NCOA1: variants seen among roughly 807,000 people sequenced by gnomAD.
The protein encoded by NCOA1 is Hin-2 protein.
NCOA1 carries 35 observed loss-of-function variants against 150.9 expected under a neutral mutation model. The observed-to-expected ratio is 0.23, with a 90% CI of 0.18 to 0.31. NCOA1 has a LOEUF of 0.31. Among genes scored for constraint, NCOA1 ranks in the 10% least tolerant of loss-of-function variants. The pLI is 1.00. For synonymous variants in NCOA1, 590 were observed against 630.0 expected (o/e 0.94, Z 0.95); for missense variants, 1,491 against 1,749.3 (o/e 0.85, Z 2.63).
chr2:24,629,809 C>CATATATATATATATATATAT, intron 3 of NCOA1, among the ~76,000 whole-genome samples: 1 of 97,378 alleles, frequency 1.0e-5, no homozygotes, highest in South Asian at 3.1e-4. Flanking sequence ...TTTTAAGTAA[C>CATATATATATATATATATAT]ATACATACAT....
intron 21 of NCOA1, among the ~76,000 whole-genome samples, chr2:24,759,510 A>G (rs1664668574): frequency 6.6e-6 from 1 of 152,216 alleles, no homozygotes; most frequent in Non-Finnish European, 1.5e-5. Context: ...AGCCTCTTAC[A>G]TATTTTTAGA....
At chr2:24,579,461 T>C (rs753070131) in intron 2 of NCOA1, among the ~76,000 whole-genome samples, 3 of 152,184 alleles carry the variant, frequency 2.0e-5, no homozygotes, top group African/African-American at 4.8e-5. Flanking sequence ...AAGGAGTTAA[T>C]CTACCTTTGC....
At chr2:24,623,671 G>A (rs1468734896) in intron 3 of NCOA1, among the ~76,000 whole-genome samples, 1 of 152,178 alleles carries the variant, frequency 6.6e-6, no homozygotes, top group East Asian at 1.9e-4. Flanking sequence ...CACAGTTCCG[G>A]AAACTGAAAG....
intron 7 of NCOA1, among the ~76,000 whole-genome samples, chr2:24,679,176 C>G (rs1441523081): frequency 6.6e-6 from 1 of 152,170 alleles, no homozygotes; most frequent in East Asian, 1.9e-4. Flanking sequence ...TGGAAAAGTT[C>G]TCAGATTGAT....
chr2:24,648,038 C>T (rs1670553533), intron 4 of NCOA1, among the ~76,000 whole-genome samples: 1 of 152,070 alleles, frequency 6.6e-6, no homozygotes, highest in Non-Finnish European at 1.5e-5. Flanking sequence ...TTTAGCTGGT[C>T]GTTGCAGCAG....
chr2:24,593,146 G>C (rs1456110983), intron 3 of NCOA1, among the ~76,000 whole-genome samples: 4 of 152,128 alleles, frequency 2.6e-5, no homozygotes, highest in Non-Finnish European at 5.9e-5. Flanking sequence ...TCTTGTCAGA[G>C]GGCCAGAGTA....
chr2:24,713,982 G>C (rs142341160), intron 14 of NCOA1, among the ~76,000 whole-genome samples: 1 of 152,266 alleles, frequency 6.6e-6, no homozygotes, highest in East Asian at 1.9e-4. Flanking sequence ...ATCAGGTGGG[G>C]CAAAGAACAG....
chr2:24,703,153 G>A (rs538539948), intron 11 of NCOA1, among the ~76,000 whole-genome samples: 1 of 152,140 alleles, frequency 6.6e-6, no homozygotes, highest in Non-Finnish European at 1.5e-5. Context: ...TTTTAGTAAT[G>A]AGTTGACTGA....
chr2:24,711,398 G>A (rs1347153177), intron 14 of NCOA1: 2 of 240,316 alleles, frequency 8.3e-6, no homozygotes, highest in Non-Finnish European at 1.6e-5. Flanking sequence ...AGGACTTTCA[G>A]AAATACAGTA....
At position 24,608,967 on chromosome 2, in the gene NCOA1, A is replaced by AG. The variant is rs560432169; in HGVS notation, c.-175+24412dup. Among the ~76,000 whole-genome samples the AG allele has an allele frequency of 4.6e-5, 7 of 152,142 alleles. No individual in the cohort carries two copies. The South Asian group carries it at 1.5e-3, about 32-fold the overall frequency. ...AAGGCCCTTCTCATCACATCATTTT[A>AG]GGGGGCACATAATATCCATGACATC... On this transcript the variant is annotated intron_variant, in intron 3 of 22. Transcript: ENST00000348332.
At position 24,617,891 on chromosome 2, in the gene NCOA1, G is replaced by A. The variant is rs1277596261; in HGVS notation, c.-174-26075G>A. 4.0e-5 allele frequency among the ~76,000 whole-genome samples: 6 copies of A among 151,526 alleles called. No individual in the cohort carries two copies. The South Asian group carries it at 1.0e-3, about 26-fold the overall frequency. Reference sequence around the variant, plus strand: ...GTGATATACACACACACGCACACACGCAGAAATATTTTACAGACAGTAAAA... The same window carrying A: ...GTGATATACACACACACGCACACACACAGAAATATTTTACAGACAGTAAAA... On this transcript the variant is annotated intron_variant, in intron 3 of 22. Transcript: ENST00000348332.
intron 7 of NCOA1, among the ~76,000 whole-genome samples, chr2:24,677,493 G>T (rs755421218): frequency 2.0e-4 from 30 of 152,112 alleles, no homozygotes; most frequent in Non-Finnish European, 3.8e-4. Flanking sequence ...ACACAATCTC[G>T]GATTACTGTA....
intron 1 of NCOA1, among the ~76,000 whole-genome samples, chr2:24,507,292 T>G (rs1203428311): frequency 6.6e-6 from 1 of 152,204 alleles, no homozygotes; most frequent in Non-Finnish European, 1.5e-5. Context: ...CTTAACCTCT[T>G]GGTGCCTCAG....
At chr2:24,662,623 C>T (rs1558883122) in intron 5 of NCOA1, among the ~76,000 whole-genome samples, 1 of 152,126 alleles carries the variant, frequency 6.6e-6, no homozygotes, top group Admixed American at 6.5e-5. Context: ...CTCTGCCAAG[C>T]ATTTTACATG....
intron 1 of NCOA1, among the ~76,000 whole-genome samples, chr2:24,548,961 G>A (rs999729472): frequency 3.3e-5 from 5 of 152,258 alleles, no homozygotes; most frequent in Middle Eastern, 3.4e-3. Context: ...TCTGGAGGAT[G>A]GTGGCCCTCT....
intron 1 of NCOA1, among the ~76,000 whole-genome samples, chr2:24,513,124 T>C (rs1199735289): frequency 3.9e-5 from 6 of 152,202 alleles, no homozygotes; most frequent in African/African-American, 7.2e-5. Context: ...ATAGGAAATA[T>C]TTCAAACATG....
intron 20 of NCOA1, among the ~76,000 whole-genome samples, chr2:24,755,044 A>G (rs1014995778): frequency 6.6e-6 from 1 of 152,230 alleles, no homozygotes; most frequent in Non-Finnish European, 1.5e-5. Context: ...GTATTAGCGT[A>G]TATCACCTGG....
Position 24,710,872 on chromosome 2 carries a change from A to T in NCOA1, c.2419-59A>T. ...GTTTAAAGAAGCAGCATTTTTTTCT[A>T]CGTTGTTTCAGGTGAAAGTGTAAAA... On this transcript the variant is annotated intron_variant, in intron 13 of 22. Coordinates refer to ENST00000348332, the MANE Select transcript of NCOA1 (RefSeq NM_003743.5). 1.6e-5 allele frequency: 24 copies of T among 1,513,028 alleles called. No individual in the cohort carries two copies. In the Admixed American group the frequency reaches 1.9e-4, roughly 12 times the overall value. 93.7% of individuals were successfully genotyped at this position (1,513,028 alleles called of 1,614,324 possible). A position where few individuals can be genotyped will look rare whatever the true frequency, so the allele number is the denominator to read the frequency against.
chr2:24,659,015 A>C, intron 5 of NCOA1: 1 of 421,706 alleles, frequency 2.4e-6, no homozygotes, highest in South Asian at 3.4e-5. Context: ...ACATACTTAA[A>C]GAGAGCCTTC....
Sources: allele counts gnomAD v4.1 joint callset (sites outside exome capture counted in the v4.1 genomes callset), GRCh38; gene constraint gnomAD v4.1.1; transcripts MANE v1.5; gene names NCBI Gene and HGNC (gene_info 2026-07-23, HGNC 2026-07-21).